FBLN1: variants seen among roughly 807,000 people sequenced by gnomAD.
FBLN1 encodes the protein fibulin-1.
A neutral mutation model predicts 89.7 loss-of-function variants in FBLN1; 34 were observed. The observed-to-expected ratio is 0.38, with a 90% CI of 0.29 to 0.50. The LOEUF (loss-of-function observed/expected upper bound fraction) is 0.50, where lower values mean the gene tolerates loss of function less well. Ranked by LOEUF, FBLN1 falls within the 20% of genes least tolerant of loss-of-function variation. The pLI is 0.92. For synonymous variants in FBLN1, 393 were observed against 391.3 expected, an observed-to-expected ratio of 1.00 and a Z score of -0.05; for missense variants, 777 against 988.1, an observed-to-expected ratio of 0.79 and a Z score of 2.86.
chr22:45,513,583 C>T (rs1602162490), intron 1 of FBLN1, among the ~76,000 whole-genome samples: 1 of 150,270 alleles, frequency 6.7e-6, no homozygotes, highest in Non-Finnish European at 1.5e-5. Flanking sequence ...CAATCATCAC[C>T]ACCTCCATCT....
chr22:45,548,383 AT>A (rs2088658066), intron 12 of FBLN1, among the ~76,000 whole-genome samples: 1 of 151,970 alleles, frequency 6.6e-6, no homozygotes, highest in South Asian at 2.1e-4. Context: ...TGTGGTCCAT[AT>A]TTCCCCCTGC....
intron 16 of FBLN1, 91 bp from the exon 17 acceptor site, chr22:45,600,216 C>T: frequency 6.6e-7 from 1 of 1,516,284 alleles, no homozygotes; most frequent in Non-Finnish European, 9.1e-7. Context: ...CTCCTTCTAG[C>T]TCTGAAACTC....
At chr22:45,548,863 G>A (rs746274508) in intron 13 of FBLN1, 119 bp downstream of exon 13, 1 of 1,491,490 alleles carries the variant, frequency 6.7e-7, no homozygotes, top group Non-Finnish European at 9.1e-7. Context: ...AGCACAGATG[G>A]AATGCATTCA....
intron 8 of FBLN1, among the ~76,000 whole-genome samples, chr22:45,539,879 C>T (rs969372315): frequency 6.6e-6 from 1 of 152,258 alleles, no homozygotes; most frequent in African/African-American, 2.4e-5. Context: ...GAACCTGCAG[C>T]GCCAGTGGGA....
At chr22:45,523,038 G>T in intron 2 of FBLN1, 1 of 656,112 alleles carries the variant, frequency 1.5e-6, no homozygotes, top group Non-Finnish European at 2.9e-6. Context: ...ATGTGCCGTG[G>T]GGGAAACAGG....
chr22:45,560,671 T>C (rs1016598919), intron 14 of FBLN1, among the ~76,000 whole-genome samples: 10 of 152,356 alleles, frequency 6.6e-5, no homozygotes, highest in Admixed American at 1.3e-4. Flanking sequence ...TCCACCATTC[T>C]CCGACACCCT....
chr22:45,555,094 CG>C (rs2088765921), intron 14 of FBLN1, among the ~76,000 whole-genome samples: 2 of 146,358 alleles, frequency 1.4e-5, no homozygotes, highest in African/African-American at 2.5e-5. Flanking sequence ...CCGTCTCCAC[CG>C]CAGGAGGTTG....
At position 45,590,389 on chromosome 22, in the gene FBLN1, G is replaced by T. The variant is rs1047177335; in HGVS notation, c.1973-9918G>T. Among the ~76,000 whole-genome samples, 2 of 152,248 alleles carry T rather than the reference G, an allele frequency of 1.3e-5. No individual in the cohort carries two copies. The highest frequency in any genetic ancestry group is 2.9e-5 in the Non-Finnish European group (2 of 68,048). The stretch of plus-strand genomic sequence containing the variant: ...CTGCCCTTCGTGGCCCCCTCACCTT[G>T]GGGGATTGCAAGGGGTTCAGTGTGG... On this transcript the variant is annotated intron_variant, in intron 16 of 16. Coordinates refer to ENST00000327858, the MANE Select transcript of FBLN1 (RefSeq NM_006486.3). This position sits in a 1 kb window ranked among gnomAD's most constrained non-coding sequence, Gnocchi z 4.1.
At position 45,576,940 on chromosome 22, in the gene FBLN1, G is replaced by A. The variant is rs1386679178; in HGVS notation, c.1841-37G>A. ...AGGCTGGGACTGGGGCTGGGGCCAG[G>A]CTGTGCTGAGCCCTTCTCCATTCTG... On this transcript the variant is annotated intron_variant, in intron 15 of 16. Coordinates refer to ENST00000327858, the MANE Select transcript of FBLN1 (RefSeq NM_006486.3). The surrounding 1 kb of genome is among the most constrained non-coding windows in gnomAD (Gnocchi z 5.2). 1.2e-6 allele frequency: 2 copies of A among 1,611,988 alleles called. No individual in the cohort carries two copies. The highest frequency in any genetic ancestry group is 3.3e-5 in the Admixed American group (2 of 60,020).
At chr22:45,568,339 C>T (rs908218103) in intron 14 of FBLN1, among the ~76,000 whole-genome samples, 3 of 152,224 alleles carry the variant, frequency 2.0e-5, no homozygotes, top group African/African-American at 7.2e-5. Flanking sequence ...GGCCAGAAGT[C>T]CAAAATCAAG....
intron 1 of FBLN1, 144 bp downstream of exon 1, chr22:45,503,208 G>A: frequency 2.6e-6 from 1 of 388,556 alleles, no homozygotes; most frequent in South Asian, 1.2e-4. Flanking sequence ...CCGAGGCCTC[G>A]GCGACGCCCC....
intron 1 of FBLN1, among the ~76,000 whole-genome samples, chr22:45,505,318 C>T (rs951603419): frequency 6.6e-6 from 1 of 152,220 alleles, no homozygotes; most frequent in Non-Finnish European, 1.5e-5. Flanking sequence ...AGAACAAAGG[C>T]CAGGGAGGAC....
chr22:45,539,324 C>T (rs550104498), intron 8 of FBLN1, among the ~76,000 whole-genome samples: 218 of 151,158 alleles, frequency 1.4e-3, no homozygotes, highest in African/African-American at 5.1e-3. Flanking sequence ...TCTCAGCCTC[C>T]CAAGTAGCTG....
intron 1 of FBLN1, among the ~76,000 whole-genome samples, chr22:45,511,833 TA>T (rs906205640): frequency 4.0e-4 from 61 of 152,182 alleles, no homozygotes; most frequent in African/African-American, 1.4e-3. Context: ...TGAGCAGTTT[TA>T]ACCCGCAGCG....
intron 1 of FBLN1, among the ~76,000 whole-genome samples, chr22:45,516,988 C>T: frequency 6.6e-6 from 1 of 152,258 alleles, no homozygotes; most frequent in East Asian, 1.9e-4. Context: ...CCCCTCCTCC[C>T]CTGCTGAGAA....
In FBLN1 at chr22:45,575,316, G is replaced by C. The variant is rs550908895; in HGVS notation, c.1840+663G>C. 6.6e-6 allele frequency among the ~76,000 whole-genome samples: 1 copy of C among 152,150 alleles called. No individual in the cohort carries two copies. The highest frequency in any genetic ancestry group is 1.5e-5 in the Non-Finnish European group (1 of 68,036). The stretch of plus-strand genomic sequence containing the variant: ...GAGTGGTGAGGTATTTGAGTGAAAG[G>C]GGGAGAAGGGGAGGAGGGTGCCCAG... On this transcript the variant is annotated intron_variant, in intron 15 of 16. Coordinates refer to ENST00000327858, the MANE Select transcript of FBLN1 (RefSeq NM_006486.3). The surrounding 1 kb of genome is among the most constrained non-coding windows in gnomAD (Gnocchi z 6.3).
chr22:45,576,837 C>G lies in FBLN1; in HGVS notation c.1841-140C>G. 2.0e-6 allele frequency: 2 copies of G among 979,284 alleles called. No individual in the cohort carries two copies. Among genetic ancestry groups the G allele is most frequent in the Non-Finnish European group, 3.1e-6 (2 of 638,960 alleles). The allele number at this position is 979,284 out of a possible 1,614,324, so 60.7% of individuals were successfully genotyped here. On this transcript the variant is annotated intron_variant, in intron 15 of 16. Transcript: ENST00000327858. This position sits in a 1 kb window ranked among gnomAD's most constrained non-coding sequence, Gnocchi z 5.2. Reference sequence around the variant, plus strand: ...CCTCCACCCTCCCCACACAGGGGATCTCTGGCTTCATTGATGTTGTCTCAT... The same window carrying G: ...CCTCCACCCTCCCCACACAGGGGATGTCTGGCTTCATTGATGTTGTCTCAT...
chr22:45,563,357 CAGTG>C lies in FBLN1; in HGVS notation c.1698-11151_1698-11148del, dbSNP rs1425930030. The C allele has an allele frequency of 6.3e-7, 1 of 1,589,104 alleles. No homozygotes were observed. Among genetic ancestry groups the C allele is most frequent in the Non-Finnish European group, 8.5e-7 (1 of 1,172,188 alleles). On this transcript the variant is annotated intron_variant, in intron 14 of 16. Coordinates refer to ENST00000327858, the MANE Select transcript of FBLN1 (RefSeq NM_006486.3). This position sits in a 1 kb window ranked among gnomAD's most constrained non-coding sequence, Gnocchi z 5.7. ...ATAAAGTCTTAGCAAGCGTCCCACA[CAGTG>C]AGCCTCGCGTGCCTTGGTTTTATTT...
intron 16 of FBLN1, among the ~76,000 whole-genome samples, chr22:45,593,206 ACAAT>A (rs1312628186): frequency 3.5e-5 from 5 of 144,584 alleles, no homozygotes; most frequent in African/African-American, 5.2e-5. Context: ...CAATGGAGAG[ACAAT>A]CAAGTGCAAC....
Sources: allele counts gnomAD v4.1 joint callset (sites outside exome capture counted in the v4.1 genomes callset), GRCh38; gene constraint gnomAD v4.1.1; non-coding constraint Gnocchi (gnomAD v3.1); transcripts MANE v1.5; gene names NCBI Gene and HGNC (gene_info 2026-07-23, HGNC 2026-07-21).